Variants in TEAD2 observed in about 807,000 individuals in gnomAD.
TEAD2 encodes the protein TEA domain transcription factor 2, also known as transcriptional enhancer factor TEF-4.
TEAD2 carries 51 observed loss-of-function variants against 61.4 expected under a neutral mutation model. The ratio of observed to expected loss-of-function variants is 0.83; its 90% CI spans 0.66 to 1.05. The LOEUF (loss-of-function observed/expected upper bound fraction) is 1.05, where lower values mean the gene tolerates loss of function less well. Ranked by LOEUF, TEAD2 falls within the 50% of genes least tolerant of loss-of-function variation. The pLI, the probability that TEAD2 is intolerant of heterozygous loss-of-function variation, is 0.00. For synonymous variants in TEAD2, 244 were observed against 243.2 expected, an observed-to-expected ratio of 1.00 and a Z score of -0.03; for missense variants, 509 against 600.0, an observed-to-expected ratio of 0.85 and a Z score of 1.58.
chr19:49,341,549 G>A lies in TEAD2; in HGVS notation c.1243-112C>T. On this transcript the variant is annotated intron_variant, in intron 12 of 12. Transcript: ENST00000593945. The surrounding 1 kb of genome is among the most constrained non-coding windows in gnomAD (Gnocchi z 4.2). ...CCAGCAGGCTCTTTTCCATCTCCAG[G>A]AAACAGGCCGCCACCATATCATGTT... The A allele has an allele frequency of 1.2e-6, 1 of 820,410 alleles. No individual in the cohort carries two copies. Among genetic ancestry groups the A allele is most frequent in the Non-Finnish European group, 2.0e-6 (1 of 503,778 alleles). 50.8% of individuals were successfully genotyped at this position (820,410 alleles called of 1,614,324 possible).
At chr19:49,355,278 G>C in intron 6 of TEAD2, 34 bp downstream of exon 6, 8 of 1,613,306 alleles carry the variant, frequency 5.0e-6, no homozygotes, top group Non-Finnish European at 6.8e-6. Context: ...ATCCCCCTTT[G>C]CCCCCACGTC....
intron 12 of TEAD2, 100 bp downstream of exon 12, chr19:49,342,338 G>A (rs1971345752): frequency 4.1e-6 from 6 of 1,470,700 alleles, no homozygotes; most frequent in South Asian, 2.5e-5. Context: ...TCCCTGCTGT[G>A]TCAGTTCCTG....
intron 3 of TEAD2, 99 bp from the exon 4 acceptor site, chr19:49,357,413 C>A (rs1215595052): frequency 4.0e-6 from 5 of 1,248,144 alleles, no homozygotes; most frequent in Non-Finnish European, 5.8e-6. Flanking sequence ...GCTGCTGGAC[C>A]ATGAAAGGTG....
rs926003582 is a variant in TEAD2, at chr19:49,341,656, T to TATC, written c.1243-222_1243-220dup. Reference sequence around the variant, plus strand: ...CAGCTGAGCGTTGGCAGTTATGGTGTATCACATCTCAGGGTTAATCGGGTT... The same window carrying TATC: ...CAGCTGAGCGTTGGCAGTTATGGTGTATCATCACATCTCAGGGTTAATCGGGTT... On this transcript the variant is annotated intron_variant, in intron 12 of 12. Coordinates refer to ENST00000593945, the MANE Select transcript of TEAD2 (RefSeq NM_001256660.2). This position sits in a 1 kb window ranked among gnomAD's most constrained non-coding sequence, Gnocchi z 4.2. Among the ~76,000 whole-genome samples, 1 of 152,108 alleles carries TATC rather than the reference T, an allele frequency of 6.6e-6. No individual in the cohort carries two copies. Among genetic ancestry groups the TATC allele is most frequent in the Non-Finnish European group, 1.5e-5 (1 of 68,010 alleles).
Position 49,348,731 on chromosome 19 carries a change from A to AAGG in TEAD2, c.716_718dup (p.Ala239_Phe240insSer), listed in dbSNP as rs766005642. Reference sequence around the variant, plus strand: ...ATCAACTGCATCTGGCGGTTCCACGAAGGCTGAGAACTCTACCAGCTGCAA... The same window carrying AAGG: ...ATCAACTGCATCTGGCGGTTCCACGAAGGAGGCTGAGAACTCTACCAGCTGCAA... On this transcript the variant is annotated inframe_insertion, in exon 9 of 13. Coordinates refer to ENST00000593945, the MANE Select transcript of TEAD2 (RefSeq NM_001256660.2). 6.2e-7 allele frequency: 1 copy of AAGG among 1,614,154 alleles called. No homozygotes were observed. Among genetic ancestry groups the AAGG allele is most frequent in the Non-Finnish European group, 8.5e-7 (1 of 1,180,022 alleles).
Position 49,355,189 on chromosome 19 carries a change from C to T in TEAD2, c.498G>A (p.Gln166=). Residue 166 remains glutamine (Q), a synonymous_variant, in exon 7 of 13, where the codon CAG becomes CAA. Coordinates refer to ENST00000593945, the MANE Select transcript of TEAD2 (RefSeq NM_001256660.2). ...PTGPQASELF[Q]FWSGGSGPPW... ...GGGGCCCAGATCCTCCAGACCAAAACTGGAAAAGCTCAGAGGCCTGGATAG... is the reference window on the plus strand; with the variant it reads ...GGGGCCCAGATCCTCCAGACCAAAATTGGAAAAGCTCAGAGGCCTGGATAG... The T allele has an allele frequency of 6.2e-7, 1 of 1,612,864 alleles. No homozygotes were observed. Among genetic ancestry groups the T allele is most frequent in the Non-Finnish European group, 8.5e-7 (1 of 1,179,396 alleles).
chr19:49,348,905 CTGT>C (rs1265017344), intron 8 of TEAD2, 60 bp from the exon 9 acceptor site: 1 of 1,433,416 alleles, frequency 7.0e-7, no homozygotes, highest in Middle Eastern at 2.1e-4. Flanking sequence ...ATATCAGGTA[CTGT>C]TGTCTCTTGC....
At position 49,341,213 on chromosome 19, in the gene TEAD2, C is replaced by T; in HGVS notation, c.*111G>A. ...CCCCAGTTGCTTAGGCCTCTGAGGTCAACCCCTTTACATCACAGCCCTCTC... is the reference window on the plus strand; with the variant it reads ...CCCCAGTTGCTTAGGCCTCTGAGGTTAACCCCTTTACATCACAGCCCTCTC... On this transcript the variant is annotated 3_prime_UTR_variant, in exon 13 of 13. Coordinates refer to ENST00000593945, the MANE Select transcript of TEAD2 (RefSeq NM_001256660.2). This position sits in a 1 kb window ranked among gnomAD's most constrained non-coding sequence, Gnocchi z 4.2. The T allele has an allele frequency of 3.1e-6, 3 of 981,626 alleles. No homozygotes were observed. Among genetic ancestry groups the T allele is most frequent in the Non-Finnish European group, 4.7e-6 (3 of 639,196 alleles). 60.8% of individuals were successfully genotyped at this position (981,626 alleles called of 1,614,324 possible).
rs1472995401 is a variant in TEAD2, at chr19:49,359,875, T to C, written c.201A>G (p.Lys67=). ...LAIYPPCGRR[K]IILSDEGKMY... is the part of the protein sequence containing the mutation. The stretch of plus-strand genomic sequence containing the variant: ...TCTTGCCTTCATCAGACAAAATTAT[T>C]TTCCGGCGGCCGCAGGGTGGATAGA... Residue 67 remains lysine, a synonymous_variant, in exon 2 of 13, where the codon AAA becomes AAG. Coordinates refer to ENST00000593945, the MANE Select transcript of TEAD2 (RefSeq NM_001256660.2). The surrounding 1 kb of genome is among the most constrained non-coding windows in gnomAD (Gnocchi z 4.1). 10 of 1,613,674 alleles carry C rather than the reference T, an allele frequency of 6.2e-6. No individual in the cohort carries two copies. In the Admixed American group the frequency reaches 1.7e-4, roughly 27 times the overall value.
chr19:49,360,130 G>A (rs1972734063), intron 1 of TEAD2, 49 bp from the exon 2 acceptor site: 1 of 1,472,026 alleles, frequency 6.8e-7, no homozygotes, highest in Non-Finnish European at 9.3e-7. Context: ...CCACCCTCAA[G>A]GGACTTGAAG....
chr19:49,350,282 C>A (rs1971927854), intron 8 of TEAD2, among the ~76,000 whole-genome samples: 1 of 152,064 alleles, frequency 6.6e-6, no homozygotes, highest in Non-Finnish European at 1.5e-5. Context: ...GTTACTGGAA[C>A]CAATAAATCA....
In TEAD2 at chr19:49,359,622, T is replaced by C; in HGVS notation, c.233-123A>G. 1 of 1,194,160 alleles carries C rather than the reference T, an allele frequency of 8.4e-7. No homozygotes were observed. The highest frequency in any genetic ancestry group is 1.3e-5 in the South Asian group (1 of 76,450). The allele number at this position is 1,194,160 out of a possible 1,614,324, so 74.0% of individuals were successfully genotyped here. ...AGGTCTGCAGCAAGTGGGCTGCCGG[T>C]CCCCTCAGCTACGTGGAAGCCAGAC... is the stretch of plus-strand genomic sequence containing the variant. On this transcript the variant is annotated intron_variant, in intron 2 of 12. Coordinates refer to ENST00000593945, the MANE Select transcript of TEAD2 (RefSeq NM_001256660.2). The surrounding 1 kb of genome is among the most constrained non-coding windows in gnomAD (Gnocchi z 4.1).
rs1483577274 is a variant in TEAD2 at position 49,359,152 on chromosome 19, TG to T, written c.297+282del. Among the ~76,000 whole-genome samples the T allele has an allele frequency of 6.6e-6, 1 of 152,000 alleles. No homozygotes were observed. Among genetic ancestry groups the T allele is most frequent in the East Asian group, 1.9e-4 (1 of 5,148 alleles). The stretch of plus-strand genomic sequence containing the variant: ...ACTCGGGAGGCTGAGACAGGAGAAT[TG>T]CTTGAACCCGGGAGGCAGAGGTTGC... On this transcript the variant is annotated intron_variant, in intron 3 of 12. Transcript: ENST00000593945. This position sits in a 1 kb window ranked among gnomAD's most constrained non-coding sequence, Gnocchi z 4.1.
Position 49,348,694 on chromosome 19 carries a change from T to G in TEAD2, c.747+9A>C, listed in dbSNP as rs1257470169. 5 of 1,613,458 alleles carry G rather than the reference T, an allele frequency of 3.1e-6. No homozygotes were observed. Among genetic ancestry groups the G allele is most frequent in the Non-Finnish European group, 4.2e-6 (5 of 1,179,604 alleles). ...AATCCCTCAGCGACTGTACCAAAAT[T>G]TCACTCACAGAATCAACTGCATCTG... On this transcript the variant is annotated intron_variant, in intron 9 of 12. Transcript: ENST00000593945.
At chr19:49,345,441 C>T (rs1971569712) in intron 10 of TEAD2, among the ~76,000 whole-genome samples, 1 of 152,090 alleles carries the variant, frequency 6.6e-6, no homozygotes, top group African/African-American at 2.4e-5. Flanking sequence ...CAGCCTCCAC[C>T]TCCCAGGCTT....
chr19:49,347,099 AG>A, intron 10 of TEAD2, 90 bp downstream of exon 10: 1 of 1,505,926 alleles, frequency 6.6e-7, no homozygotes, highest in Non-Finnish European at 9.1e-7. Context: ...CTGACCTGGT[AG>A]GGCCCGCGAC....
At position 49,353,417 on chromosome 19, in the gene TEAD2, C is replaced by A. The variant is rs1972151516; in HGVS notation, c.539+1731G>T. On this transcript the variant is annotated intron_variant, in intron 7 of 12. Coordinates refer to ENST00000593945, the MANE Select transcript of TEAD2 (RefSeq NM_001256660.2). Reference sequence around the variant, plus strand: ...CCGGGCCTCCCACTCCCATTCTTCACCTGGCTAAGTCCTACCCGGCCTTCA... The same window carrying A: ...CCGGGCCTCCCACTCCCATTCTTCAACTGGCTAAGTCCTACCCGGCCTTCA... Among the ~76,000 whole-genome samples, 3 of 151,988 alleles carry A rather than the reference C, an allele frequency of 2.0e-5. No homozygotes were observed. In the South Asian group the frequency reaches 6.2e-4, roughly 32 times the overall value.
chr19:49,341,899 C>T lies in TEAD2; in HGVS notation c.1243-462G>A, dbSNP rs533409310. 2.0e-5 allele frequency among the ~76,000 whole-genome samples: 3 copies of T among 152,164 alleles called. No individual in the cohort carries two copies. The highest frequency in any genetic ancestry group is 4.1e-4 in the South Asian group (2 of 4,824). ...GGGAAGGAGGGACCCACCTTATGTG[C>T]GAGTGCTGTGGGGCTGGGCGTGGTG... On this transcript the variant is annotated intron_variant, in intron 12 of 12. Coordinates refer to ENST00000593945, the MANE Select transcript of TEAD2 (RefSeq NM_001256660.2). The surrounding 1 kb of genome is among the most constrained non-coding windows in gnomAD (Gnocchi z 4.2).
intron 7 of TEAD2, among the ~76,000 whole-genome samples, chr19:49,352,311 C>G (rs1444482995): frequency 6.6e-6 from 1 of 152,164 alleles, no homozygotes; most frequent in Admixed American, 6.5e-5. Context: ...GAAACAGAAT[C>G]TTTAATTTTA....
Sources: allele counts gnomAD v4.1 joint callset (sites outside exome capture counted in the v4.1 genomes callset), GRCh38; gene constraint gnomAD v4.1.1; non-coding constraint Gnocchi (gnomAD v3.1); transcripts MANE v1.5; gene names NCBI Gene and HGNC (gene_info 2026-07-23, HGNC 2026-07-21).